Variants in RIMS1 observed in about 807,000 individuals in gnomAD.
RIMS1 encodes regulating synaptic membrane exocytosis 1.
Under a neutral mutation model 214.1 loss-of-function variants are expected in RIMS1, and 83 were observed. The observed-to-expected ratio is 0.39, with a 90% CI of 0.32 to 0.47. The LOEUF (loss-of-function observed/expected upper bound fraction) is 0.47. RIMS1 is among the 20% of genes least tolerant of loss of function. The probability of loss-of-function intolerance (pLI) is 0.99; values close to 1 mark genes in which losing one functional copy is unlikely to be tolerated. For missense variants in RIMS1, 2,050 were observed against 2,161.8 expected (o/e 0.95, Z 1.03); for synonymous variants, 793 against 786.8 (o/e 1.01, Z -0.13).
intron 29 of RIMS1, among the ~76,000 whole-genome samples, chr6:72,339,438 C>T (rs1032430217): frequency 3.3e-5 from 5 of 151,882 alleles, no homozygotes; most frequent in African/African-American, 4.8e-5. Flanking sequence ...CCCCTATCCC[C>T]CCACCCCACA....
chr6:72,112,193 T>C (rs1023823672), intron 4 of RIMS1, among the ~76,000 whole-genome samples: 11 of 152,072 alleles, frequency 7.2e-5, no homozygotes, highest in African/African-American at 2.7e-4. Flanking sequence ...TTTGGCTCTG[T>C]CTTCAAAATA....
At chr6:72,121,763 C>T (rs2038378212) in intron 4 of RIMS1, among the ~76,000 whole-genome samples, 1 of 151,846 alleles carries the variant, frequency 6.6e-6, no homozygotes, top group Non-Finnish European at 1.5e-5. Context: ...AGTTTTTGCC[C>T]ATTCAGTATG....
intron 2 of RIMS1, among the ~76,000 whole-genome samples, chr6:71,973,271 G>A (rs1024086455): frequency 2.0e-5 from 3 of 152,196 alleles, no homozygotes; most frequent in Admixed American, 6.5e-5. Context: ...CCATCTTCCA[G>A]AAGCAGAAAA....
intron 1 of RIMS1, among the ~76,000 whole-genome samples, chr6:71,892,174 A>C (rs1770100890): frequency 6.6e-6 from 1 of 152,240 alleles, no homozygotes; most frequent in Non-Finnish European, 1.5e-5. Context: ...GTCTTTAAAA[A>C]AGTGCATTGA....
intron 6 of RIMS1, among the ~76,000 whole-genome samples, chr6:72,215,344 G>A (rs1448588385): frequency 2.0e-5 from 3 of 152,092 alleles, no homozygotes; most frequent in Non-Finnish European, 2.9e-5. Flanking sequence ...AACAAGTCAC[G>A]AGTACTTTCA....
chr6:71,984,743 GTGTATGTATGTA>G (rs68138613), intron 2 of RIMS1, among the ~76,000 whole-genome samples: 1 of 149,004 alleles, frequency 6.7e-6, no homozygotes, highest in Non-Finnish European at 1.5e-5. Flanking sequence ...GTATCCATCT[GTGTATGTATGTA>G]TGTATGTATG....
chr6:72,317,004 C>T, intron 28 of RIMS1: 2 of 529,660 alleles, frequency 3.8e-6, no homozygotes, highest in South Asian at 3.4e-5. Context: ...GCTGGGAAGC[C>T]TCCCCCTCCA....
intron 4 of RIMS1, among the ~76,000 whole-genome samples, chr6:72,109,698 T>C (rs1002161658): frequency 2.5e-4 from 38 of 152,336 alleles, no homozygotes; most frequent in Non-Finnish European, 4.0e-4. Context: ...AGAAGCTCTT[T>C]AGTTTAATTA....
intron 29 of RIMS1, among the ~76,000 whole-genome samples, chr6:72,347,816 A>G (rs1311757607): frequency 6.6e-6 from 1 of 151,824 alleles, no homozygotes; most frequent in African/African-American, 2.4e-5. Flanking sequence ...TCAACTTCCT[A>G]CCAGGACCGA....
chr6:72,028,651 G>C (rs551476646), intron 2 of RIMS1, among the ~76,000 whole-genome samples: 1 of 152,216 alleles, frequency 6.6e-6, no homozygotes, highest in African/African-American at 2.4e-5. Flanking sequence ...ACAAACGAAA[G>C]CATGGATGTC....
chr6:72,000,984 T>C (rs1805016121), intron 2 of RIMS1, among the ~76,000 whole-genome samples: 1 of 151,728 alleles, frequency 6.6e-6, no homozygotes. Context: ...AATATTGCTG[T>C]CTTTGTAGTC....
chr6:71,906,416 GT>G (rs552800734), intron 1 of RIMS1, among the ~76,000 whole-genome samples: 52 of 152,284 alleles, frequency 3.4e-4, no homozygotes, highest in African/African-American at 1.3e-3. Flanking sequence ...ACTCCATGCA[GT>G]TGGTGTGACA....
chr6:72,222,344 T>G (rs916152993), intron 6 of RIMS1, among the ~76,000 whole-genome samples: 1 of 152,082 alleles, frequency 6.6e-6, no homozygotes, highest in Non-Finnish European at 1.5e-5. Context: ...AAAAGACAAT[T>G]CAGCTACTCT....
At chr6:72,030,747 T>C (rs1369951774) in intron 2 of RIMS1, among the ~76,000 whole-genome samples, 2 of 152,274 alleles carry the variant, frequency 1.3e-5, no homozygotes, top group African/African-American at 2.4e-5. Flanking sequence ...AAAACAATTA[T>C]GCCATATAAA....
chr6:71,973,072 G>A (rs1796267082), intron 2 of RIMS1, among the ~76,000 whole-genome samples: 1 of 152,150 alleles, frequency 6.6e-6, no homozygotes, highest in African/African-American at 2.4e-5. Flanking sequence ...ACCACACCCA[G>A]CTACTTTTTG....
intron 1 of RIMS1, among the ~76,000 whole-genome samples, chr6:71,911,869 ACAT>A (rs1395258728): frequency 6.6e-6 from 1 of 152,228 alleles, no homozygotes; most frequent in East Asian, 1.9e-4. Context: ...GCTATTGTTT[ACAT>A]TTGATATTTC....
At chr6:71,973,654 G>GGAGA (rs751133946) in intron 2 of RIMS1, among the ~76,000 whole-genome samples, 2 of 152,164 alleles carry the variant, frequency 1.3e-5, no homozygotes, top group Non-Finnish European at 2.9e-5. Flanking sequence ...CTGGCTAGGA[G>GGAGA]GAGAGTTAGG....
chr6:72,051,398 C>T (rs889732825), intron 2 of RIMS1, among the ~76,000 whole-genome samples: 5 of 152,168 alleles, frequency 3.3e-5, no homozygotes, highest in African/African-American at 1.2e-4. Flanking sequence ...TTACCTAACT[C>T]ATTTGAAACT....
At chr6:72,069,788 C>T (rs1348085102) in intron 2 of RIMS1, among the ~76,000 whole-genome samples, 1 of 152,184 alleles carries the variant, frequency 6.6e-6, no homozygotes, top group Non-Finnish European at 1.5e-5. Context: ...TTGAAAAGTT[C>T]ATCTTAGATC....
Sources: allele counts gnomAD v4.1 joint callset (sites outside exome capture counted in the v4.1 genomes callset), GRCh38; gene constraint gnomAD v4.1.1; transcripts MANE v1.5; gene names NCBI Gene and HGNC (gene_info 2026-07-23, HGNC 2026-07-21).